The following KCNIP4 variants were observed in gnomAD, a reference collection of about 807,000 sequenced individuals.
KCNIP4 encodes the protein potassium voltage-gated channel interacting protein 4, also known as Kv channel-interacting protein 4.
In KCNIP4, 12 loss-of-function variants were observed where a neutral mutation model predicts 34.0. The ratio of observed to expected loss-of-function variants is 0.35; its 90% confidence interval spans 0.23 to 0.57. KCNIP4 has a LOEUF of 0.57. Ranked by LOEUF, KCNIP4 falls within the 20% of genes least tolerant of loss-of-function variation. The pLI, the probability that KCNIP4 is intolerant of heterozygous loss-of-function variation, is 0.83. For missense variants in KCNIP4, 238 were observed against 311.7 expected, an observed-to-expected ratio of 0.76 and a Z score of 1.78; for synonymous variants, 124 against 102.2, an observed-to-expected ratio of 1.21 and a Z score of -1.29.
intron 1 of KCNIP4, among the ~76,000 whole-genome samples, chr4:20,984,809 G>T (rs1027203972): frequency 6.6e-6 from 1 of 152,114 alleles, no homozygotes; most frequent in African/African-American, 2.4e-5. Flanking sequence ...TTAAAGTCTG[G>T]CCTCAGCCTT....
intron 1 of KCNIP4, among the ~76,000 whole-genome samples, chr4:21,275,129 T>C (rs151234506): frequency 1.3e-5 from 2 of 152,288 alleles, no homozygotes; most frequent in Non-Finnish European, 2.9e-5. Flanking sequence ...TTCATGGATC[T>C]GCATAGTTAT....
chr4:20,937,157 A>G (rs761277195), intron 1 of KCNIP4, among the ~76,000 whole-genome samples: 1 of 140,430 alleles, frequency 7.1e-6, no homozygotes, highest in Non-Finnish European at 1.5e-5. Context: ...AAAGGTCTTT[A>G]TTTAGTGCTG....
chr4:21,895,522 G>T (rs1047477894), intron 1 of KCNIP4, among the ~76,000 whole-genome samples: 1 of 152,128 alleles, frequency 6.6e-6, no homozygotes, highest in Non-Finnish European at 1.5e-5. Context: ...TATTAGGAAT[G>T]ATAATAAATC....
intron 1 of KCNIP4, among the ~76,000 whole-genome samples, chr4:21,059,191 T>G (rs1743691886): frequency 6.6e-6 from 1 of 152,110 alleles, no homozygotes; most frequent in Admixed American, 6.6e-5. Context: ...ACAAGATAAC[T>G]CTGACACCAC....
At chr4:21,599,958 AG>A (rs1360546078) in intron 1 of KCNIP4, among the ~76,000 whole-genome samples, 2 of 152,112 alleles carry the variant, frequency 1.3e-5, no homozygotes, top group African/African-American at 4.8e-5. Context: ...AGATCTGGGT[AG>A]GATTCAGTAA....
At chr4:21,475,638 TCTC>T (rs1730887887) in intron 1 of KCNIP4, among the ~76,000 whole-genome samples, 1 of 150,768 alleles carries the variant, frequency 6.6e-6, no homozygotes, top group African/African-American at 2.4e-5. Flanking sequence ...AAAATCAAGT[TCTC>T]ATTTTCAGGC....
intron 1 of KCNIP4, among the ~76,000 whole-genome samples, chr4:21,740,538 G>C (rs974464123): frequency 6.6e-6 from 1 of 151,998 alleles, no homozygotes; most frequent in Non-Finnish European, 1.5e-5. Flanking sequence ...CCTTCATAGA[G>C]CTTTAATTGT....
intron 1 of KCNIP4, among the ~76,000 whole-genome samples, chr4:21,861,811 T>C (rs1725094784): frequency 6.6e-6 from 1 of 152,190 alleles, no homozygotes; most frequent in Non-Finnish European, 1.5e-5. Flanking sequence ...TTGACAAACA[T>C]AGCCCCAGCA....
At chr4:21,571,613 G>A (rs1025550543) in intron 1 of KCNIP4, among the ~76,000 whole-genome samples, 1 of 152,158 alleles carries the variant, frequency 6.6e-6, no homozygotes, top group African/African-American at 2.4e-5. Flanking sequence ...CAGTTTCACT[G>A]CAGAAAGCAG....
At chr4:21,722,480 A>G (rs1405840014) in intron 1 of KCNIP4, among the ~76,000 whole-genome samples, 1 of 152,170 alleles carries the variant, frequency 6.6e-6, no homozygotes, top group Non-Finnish European at 1.5e-5. Context: ...TGAACAGCAG[A>G]GACATGAATG....
intron 1 of KCNIP4, among the ~76,000 whole-genome samples, chr4:21,673,084 G>C (rs1299408666): frequency 6.6e-6 from 1 of 152,198 alleles, no homozygotes; most frequent in East Asian, 1.9e-4. Context: ...ATAGCATCAT[G>C]ATTGCCATAG....
chr4:21,051,518 T>C (rs951417533), intron 1 of KCNIP4, among the ~76,000 whole-genome samples: 1 of 152,162 alleles, frequency 6.6e-6, no homozygotes, highest in Admixed American at 6.5e-5. Flanking sequence ...TGGAACTCAT[T>C]GGTTTGAATC....
At chr4:20,899,334 C>T (rs1255571257) in intron 1 of KCNIP4, among the ~76,000 whole-genome samples, 2 of 152,152 alleles carry the variant, frequency 1.3e-5, no homozygotes, top group Non-Finnish European at 2.9e-5. Context: ...ATTATTTAGG[C>T]TGGCACACAA....
intron 1 of KCNIP4, among the ~76,000 whole-genome samples, chr4:20,899,458 T>C (rs1726923635): frequency 6.6e-6 from 1 of 152,174 alleles, no homozygotes; most frequent in Admixed American, 6.6e-5. Context: ...GGTTATGTCC[T>C]GATGAAGTAA....
At chr4:21,089,774 C>T (rs527855781) in intron 1 of KCNIP4, among the ~76,000 whole-genome samples, 13 of 152,238 alleles carry the variant, frequency 8.5e-5, no homozygotes, top group African/African-American at 3.1e-4. Flanking sequence ...AGTATCTTCT[C>T]TTGTATACTT....
chr4:20,805,824 A>T (rs1715005864), intron 3 of KCNIP4, among the ~76,000 whole-genome samples: 1 of 152,032 alleles, frequency 6.6e-6, no homozygotes, highest in Non-Finnish European at 1.5e-5. Context: ...TTTCAATTTC[A>T]TCTCCTTACC....
At chr4:21,576,473 T>A (rs1443687770) in intron 1 of KCNIP4, among the ~76,000 whole-genome samples, 1 of 152,152 alleles carries the variant, frequency 6.6e-6, no homozygotes, top group East Asian at 1.9e-4. Context: ...TCTTTGAAAA[T>A]TTTGGATACC....
chr4:21,454,781 T>C (rs1728783741), intron 1 of KCNIP4, among the ~76,000 whole-genome samples: 1 of 152,140 alleles, frequency 6.6e-6, no homozygotes, highest in South Asian at 2.1e-4. Flanking sequence ...TTCCATGTTT[T>C]CTCAGCATTC....
chr4:21,061,732 C>T lies in KCNIP4; in HGVS notation c.62-179023G>A, dbSNP rs1288509533. Among the ~76,000 whole-genome samples the T allele has an allele frequency of 2.0e-5, 3 of 152,122 alleles. No individual in the cohort carries two copies. In the East Asian group the frequency reaches 5.8e-4, roughly 29 times the overall value. On this transcript the variant is annotated intron_variant, in intron 1 of 8. Coordinates refer to ENST00000382152, the MANE Select transcript of KCNIP4 (RefSeq NM_025221.6). ...ACATTATATGATCCAAATTGTGCCC[C>T]TTGAAATTTCTTATGTTGAAGCCTT...
Sources: gnomAD v4.1 joint callset for allele counts (sites outside exome capture counted in the v4.1 genomes callset) on GRCh38, gnomAD v4.1.1 for gene constraint, MANE v1.5 for transcripts, NCBI Gene and HGNC (gene_info 2026-07-23, HGNC 2026-07-21) for gene names.